Variants in MFSD6 observed in about 807,000 individuals in gnomAD.
MFSD6 encodes the protein major facilitator superfamily domain-containing protein 6.
MFSD6 carries 26 observed loss-of-function variants against 56.3 expected under a neutral mutation model. The observed-to-expected ratio is 0.46, with a 90% CI of 0.34 to 0.64. The LOEUF (loss-of-function observed/expected upper bound fraction) is 0.64. Ranked by LOEUF, MFSD6 falls within the 30% of genes least tolerant of loss-of-function variation. MFSD6 has a pLI of 0.01. For missense variants in MFSD6, 750 were observed against 986.2 expected (o/e 0.76, Z 3.21); for synonymous variants, 331 against 366.9 (o/e 0.90, Z 1.12).
At chr2:190,455,171 A>G (rs1012891661) in intron 3 of MFSD6, among the ~76,000 whole-genome samples, 3 of 152,054 alleles carry the variant, frequency 2.0e-5, no homozygotes, top group African/African-American at 4.8e-5. Context: ...AGACACTAAT[A>G]TTGGTATCAT....
rs1685725732 is a variant in MFSD6, at chr2:190,424,367, C to T, written c.-54+8954C>T. 6.6e-6 allele frequency among the ~76,000 whole-genome samples: 1 copy of T among 151,456 alleles called. No individual in the cohort carries two copies. The highest frequency in any genetic ancestry group is 1.5e-5 in the Non-Finnish European group (1 of 67,962). ...TATTTTTTTTTCAGACAGAGTTTCA[C>T]TCTTATTGCCCAGGCTGGAGTGCAA... On this transcript the variant is annotated intron_variant, in intron 2 of 7. Transcript: ENST00000392328. The surrounding 1 kb of genome is among the most constrained non-coding windows in gnomAD (Gnocchi z 5.9).
chr2:190,493,196 A>G (rs1006671724), intron 6 of MFSD6, among the ~76,000 whole-genome samples: 5 of 152,134 alleles, frequency 3.3e-5, no homozygotes, highest in Non-Finnish European at 5.9e-5. Flanking sequence ...AAGACATTCC[A>G]TGCAAATGGA....
Position 190,458,358 on chromosome 2 carries a change from TA to T in MFSD6, c.1533-11399del, listed in dbSNP as rs1215107640. 6.6e-6 allele frequency among the ~76,000 whole-genome samples: 1 copy of T among 152,024 alleles called. No individual in the cohort carries two copies. Among genetic ancestry groups the T allele is most frequent in the Non-Finnish European group, 1.5e-5 (1 of 68,020 alleles). ...CGTGAGAAGAGATTGGGGCCACAGA[TA>T]GGCACAAGGGAAGATAGGCGATGAC... is the stretch of plus-strand genomic sequence containing the variant. On this transcript the variant is annotated intron_variant, in intron 3 of 7. Coordinates refer to ENST00000392328, the MANE Select transcript of MFSD6 (RefSeq NM_017694.4). This position sits in a 1 kb window ranked among gnomAD's most constrained non-coding sequence, Gnocchi z 5.3.
chr2:190,424,507 G>T lies in MFSD6; in HGVS notation c.-54+9094G>T, dbSNP rs1212225437. The stretch of plus-strand genomic sequence containing the variant: ...CATGACACCATGCCCAGCTAATTTT[G>T]TATTTTTAGTAGAGATGGGGTTTCT... On this transcript the variant is annotated intron_variant, in intron 2 of 7. Coordinates refer to ENST00000392328, the MANE Select transcript of MFSD6 (RefSeq NM_017694.4). This position sits in a 1 kb window ranked among gnomAD's most constrained non-coding sequence, Gnocchi z 5.9. 6.6e-6 allele frequency among the ~76,000 whole-genome samples: 1 copy of T among 151,862 alleles called. No homozygotes were observed. The highest frequency in any genetic ancestry group is 1.5e-5 in the Non-Finnish European group (1 of 67,978).
In MFSD6 at chr2:190,494,773, G is replaced by A. The variant is rs1179765755; in HGVS notation, c.1892-2666G>A. The stretch of plus-strand genomic sequence containing the variant: ...TCACATGATCATCTCAGTAGACGCA[G>A]AAAAAGCATTTGATGAAATCCAGCA... On this transcript the variant is annotated intron_variant, in intron 6 of 7. Coordinates refer to ENST00000392328, the MANE Select transcript of MFSD6 (RefSeq NM_017694.4). The surrounding 1 kb of genome is among the most constrained non-coding windows in gnomAD (Gnocchi z 5.7). Among the ~76,000 whole-genome samples the A allele has an allele frequency of 6.6e-6, 1 of 152,122 alleles. No individual in the cohort carries two copies. Among genetic ancestry groups the A allele is most frequent in the Non-Finnish European group, 1.5e-5 (1 of 68,000 alleles).
At position 190,434,763 on chromosome 2, in the gene MFSD6, A is replaced by G. The variant is rs1468289687; in HGVS notation, c.-53-1214A>G. 6.6e-6 allele frequency among the ~76,000 whole-genome samples: 1 copy of G among 152,138 alleles called. No individual in the cohort carries two copies. Among genetic ancestry groups the G allele is most frequent in the Non-Finnish European group, 1.5e-5 (1 of 68,018 alleles). ...CTGTTTTTCAAAAAAGTTTACTGGCATCTTATCTAAAATGTGTTATTTTTC... is the reference window on the plus strand; with the variant it reads ...CTGTTTTTCAAAAAAGTTTACTGGCGTCTTATCTAAAATGTGTTATTTTTC... On this transcript the variant is annotated intron_variant, in intron 2 of 7. Transcript: ENST00000392328. This position sits in a 1 kb window ranked among gnomAD's most constrained non-coding sequence, Gnocchi z 4.3.
Position 190,490,299 on chromosome 2 carries a change from C to G in MFSD6, c.1891+433C>G, listed in dbSNP as rs968526170. Among the ~76,000 whole-genome samples, 1 of 150,760 alleles carries G rather than the reference C, an allele frequency of 6.6e-6. No homozygotes were observed. Among genetic ancestry groups the G allele is most frequent in the African/African-American group, 2.4e-5 (1 of 41,066 alleles). On this transcript the variant is annotated intron_variant, in intron 6 of 7. Transcript: ENST00000392328. This position sits in a 1 kb window ranked among gnomAD's most constrained non-coding sequence, Gnocchi z 4.5. The stretch of plus-strand genomic sequence containing the variant: ...AAAACAATGGCCGGGTGCAGTGGCT[C>G]ACGCCTGTAATCCCAACACTTTGGG...
intron 4 of MFSD6, among the ~76,000 whole-genome samples, chr2:190,474,591 A>G (rs1270228060): frequency 6.6e-6 from 1 of 152,200 alleles, no homozygotes; most frequent in African/African-American, 2.4e-5. Context: ...ACCAACCAAA[A>G]AAAGTCCAGG....
chr2:190,409,826 G>A (rs757078532), intron 1 of MFSD6, among the ~76,000 whole-genome samples: 4 of 152,182 alleles, frequency 2.6e-5, no homozygotes, highest in Admixed American at 6.5e-5. Context: ...TAGCAGAGGT[G>A]CAGGATATGG....
In MFSD6 at chr2:190,463,320, T is replaced by C. The variant is rs1687426434; in HGVS notation, c.1533-6438T>C. On this transcript the variant is annotated intron_variant, in intron 3 of 7. Coordinates refer to ENST00000392328, the MANE Select transcript of MFSD6 (RefSeq NM_017694.4). The surrounding 1 kb of genome is among the most constrained non-coding windows in gnomAD (Gnocchi z 4.4). Reference sequence around the variant, plus strand: ...TAAACTGACAATAGAGAACATCATCTTATTCAGGTCAATAGTGTGAATCAG... The same window carrying C: ...TAAACTGACAATAGAGAACATCATCCTATTCAGGTCAATAGTGTGAATCAG... Among the ~76,000 whole-genome samples, 1 of 152,204 alleles carries C rather than the reference T, an allele frequency of 6.6e-6. No individual in the cohort carries two copies. Among genetic ancestry groups the C allele is most frequent in the Non-Finnish European group, 1.5e-5 (1 of 68,040 alleles).
intron 4 of MFSD6, among the ~76,000 whole-genome samples, chr2:190,483,975 T>C (rs1688859411): frequency 6.6e-6 from 1 of 152,206 alleles, no homozygotes; most frequent in Non-Finnish European, 1.5e-5. Context: ...TCTTGATTTT[T>C]ACTGTGCCTC....
At position 190,471,226 on chromosome 2, in the gene MFSD6, A is replaced by T. The variant is rs540075809; in HGVS notation, c.1630+1371A>T. Among the ~76,000 whole-genome samples, 1 of 152,102 alleles carries T rather than the reference A, an allele frequency of 6.6e-6. No homozygotes were observed. Among genetic ancestry groups the T allele is most frequent in the Admixed American group, 6.6e-5 (1 of 15,264 alleles). On this transcript the variant is annotated intron_variant, in intron 4 of 7. Transcript: ENST00000392328. The surrounding 1 kb of genome is among the most constrained non-coding windows in gnomAD (Gnocchi z 4.7). ...AGGTACCGGGTTCATCTCACTGGGGATTGTCAGGCAGTGGGTGCAGGATAG... is the reference window on the plus strand; with the variant it reads ...AGGTACCGGGTTCATCTCACTGGGGTTTGTCAGGCAGTGGGTGCAGGATAG...
rs889853438 is a variant in MFSD6 at position 190,469,160 on chromosome 2, G to A, written c.1533-598G>A. Reference sequence around the variant, plus strand: ...TGATACCATGAATTTTTTAAAAGATGAACATGTATCCATTGAACTGATAGG... The same window carrying A: ...TGATACCATGAATTTTTTAAAAGATAAACATGTATCCATTGAACTGATAGG... On this transcript the variant is annotated intron_variant, in intron 3 of 7. Coordinates refer to ENST00000392328, the MANE Select transcript of MFSD6 (RefSeq NM_017694.4). This position sits in a 1 kb window ranked among gnomAD's most constrained non-coding sequence, Gnocchi z 5.3. Among the ~76,000 whole-genome samples the A allele has an allele frequency of 6.6e-6, 1 of 152,128 alleles. No individual in the cohort carries two copies. The highest frequency in any genetic ancestry group is 2.4e-5 in the African/African-American group (1 of 41,434).
chr2:190,495,972 AAAAC>A lies in MFSD6; in HGVS notation c.1892-1463_1892-1460del, dbSNP rs1370490273. On this transcript the variant is annotated intron_variant, in intron 6 of 7. Coordinates refer to ENST00000392328, the MANE Select transcript of MFSD6 (RefSeq NM_017694.4). This position sits in a 1 kb window ranked among gnomAD's most constrained non-coding sequence, Gnocchi z 4.7. ...CAAGAACCCAAAAGCAAATGCAACA[AAAAC>A]AAAGATAAATAGATGGGACTTAATT... Among the ~76,000 whole-genome samples, 7 of 152,210 alleles carry A rather than the reference AAAAC, an allele frequency of 4.6e-5. No individual in the cohort carries two copies. The highest frequency in any genetic ancestry group is 1.0e-4 in the Non-Finnish European group (7 of 68,026).
rs190734085 is a variant in MFSD6 at position 190,431,382 on chromosome 2, G to C, written c.-53-4595G>C. On this transcript the variant is annotated intron_variant, in intron 2 of 7. Coordinates refer to ENST00000392328, the MANE Select transcript of MFSD6 (RefSeq NM_017694.4). This position sits in a 1 kb window ranked among gnomAD's most constrained non-coding sequence, Gnocchi z 4.4. The stretch of plus-strand genomic sequence containing the variant: ...TGGGAGGTGGAGGTTGTAGCGAGCC[G>C]AGATCACCCCACTGCACTCCAGCCT... 6.6e-6 allele frequency among the ~76,000 whole-genome samples: 1 copy of C among 152,202 alleles called. No homozygotes were observed. Among genetic ancestry groups the C allele is most frequent in the Non-Finnish European group, 1.5e-5 (1 of 68,044 alleles).
In MFSD6 at chr2:190,495,736, AG is replaced by A. The variant is rs544129231; in HGVS notation, c.1892-1698del. Among the ~76,000 whole-genome samples, 50 of 152,230 alleles carry A rather than the reference AG, an allele frequency of 3.3e-4. 1 individual carries two copies. In the East Asian group the frequency reaches 9.4e-3, roughly 29 times the overall value. ...TTTGACAAAGCAAACAGAAACATAA[AG>A]GGGGAAAGGATACTCTATTCAACAA... On this transcript the variant is annotated intron_variant, in intron 6 of 7. Transcript: ENST00000392328. This position sits in a 1 kb window ranked among gnomAD's most constrained non-coding sequence, Gnocchi z 4.7.
In MFSD6 at chr2:190,501,436, C is replaced by A. The variant is rs367642212; in HGVS notation, c.*1218C>A. On this transcript the variant is annotated 3_prime_UTR_variant, in exon 8 of 8. Coordinates refer to ENST00000392328, the MANE Select transcript of MFSD6 (RefSeq NM_017694.4). ...CAGAACAATGGCTGGGTGGATCGCA[C>A]GTAAAGCTTGCCACTAAAAATCAAA... 1 of 152,066 alleles carries A rather than the reference C, an allele frequency of 6.6e-6. No individual in the cohort carries two copies. Among genetic ancestry groups the A allele is most frequent in the Admixed American group, 6.5e-5 (1 of 15,274 alleles). 9.4% of individuals were successfully genotyped at this position (152,066 alleles called of 1,614,324 possible). A position where few individuals can be genotyped will look rare whatever the true frequency, so the allele number is the denominator to read the frequency against.
rs1426475140 is a variant in MFSD6 at position 190,434,366 on chromosome 2, C to T, written c.-53-1611C>T. 6.6e-6 allele frequency among the ~76,000 whole-genome samples: 1 copy of T among 152,104 alleles called. No individual in the cohort carries two copies. Among genetic ancestry groups the T allele is most frequent in the South Asian group, 2.1e-4 (1 of 4,822 alleles). On this transcript the variant is annotated intron_variant, in intron 2 of 7. Transcript: ENST00000392328. The surrounding 1 kb of genome is among the most constrained non-coding windows in gnomAD (Gnocchi z 4.3). ...AAGGGAAATTCTGATGGGATGCTGG[C>T]ACAGTTCCTATAAATTTATATAAAT...
Position 190,467,155 on chromosome 2 carries a change from G to A in MFSD6, c.1533-2603G>A, listed in dbSNP as rs561598865. The stretch of plus-strand genomic sequence containing the variant: ...TTATATTACAGTATTACTGGGGACA[G>A]CTTGGAATGAGTTAGACCACTGGTT... On this transcript the variant is annotated intron_variant, in intron 3 of 7. Coordinates refer to ENST00000392328, the MANE Select transcript of MFSD6 (RefSeq NM_017694.4). This position sits in a 1 kb window ranked among gnomAD's most constrained non-coding sequence, Gnocchi z 5.5. Among the ~76,000 whole-genome samples, 1 of 152,350 alleles carries A rather than the reference G, an allele frequency of 6.6e-6. No homozygotes were observed. Among genetic ancestry groups the A allele is most frequent in the African/African-American group, 2.4e-5 (1 of 41,582 alleles).
Sources: gnomAD v4.1 joint callset for allele counts (sites outside exome capture counted in the v4.1 genomes callset) on GRCh38, gnomAD v4.1.1 for gene constraint, Gnocchi (gnomAD v3.1) non-coding constraint, MANE v1.5 for transcripts, NCBI Gene and HGNC (gene_info 2026-07-23, HGNC 2026-07-21) for gene names.